Variants in ARHGAP25 observed in about 807,000 individuals in gnomAD.
ARHGAP25 encodes the protein Rho GTPase activating protein 25, also known as rho GTPase-activating protein 25.
A neutral mutation model predicts 71.0 loss-of-function variants in ARHGAP25; 34 were observed. The ratio of observed to expected loss-of-function variants is 0.48; its 90% CI spans 0.36 to 0.64. The LOEUF (loss-of-function observed/expected upper bound fraction) is 0.64, where lower values mean the gene tolerates loss of function less well. ARHGAP25 is among the 30% of genes least tolerant of loss of function. The pLI is 0.00. For synonymous variants in ARHGAP25, 282 were observed against 296.5 expected, an observed-to-expected ratio of 0.95 and a Z score of 0.50; for missense variants, 706 against 805.1, an observed-to-expected ratio of 0.88 and a Z score of 1.49.
chr2:68,766,947 T>G (rs1214714707), intron 1 of ARHGAP25, among the ~76,000 whole-genome samples: 1 of 152,254 alleles, frequency 6.6e-6, no homozygotes, highest in Non-Finnish European at 1.5e-5. Context: ...TCCTTTAGGT[T>G]GACATAGTCA....
chr2:68,769,341 C>T (rs1369135508), intron 1 of ARHGAP25, among the ~76,000 whole-genome samples: 1 of 152,130 alleles, frequency 6.6e-6, no homozygotes. Flanking sequence ...CTGGCTGGGA[C>T]CTGTCCACTT....
At chr2:68,752,330 A>C (rs1458848389) in intron 1 of ARHGAP25, among the ~76,000 whole-genome samples, 4 of 149,710 alleles carry the variant, frequency 2.7e-5, no homozygotes. Flanking sequence ...GATAGAAAAA[A>C]AAGAGAAATA....
At chr2:68,808,881 G>A (rs11891985) in intron 5 of ARHGAP25, among the ~76,000 whole-genome samples, 27,170 of 152,172 alleles carry the variant, frequency 0.18, 2,682 homozygotes, top group East Asian at 0.38. Flanking sequence ...GGGTGGTGGT[G>A]TGGGAATCTT....
chr2:68,762,049 C>T (rs756802870), intron 1 of ARHGAP25, among the ~76,000 whole-genome samples: 1 of 152,106 alleles, frequency 6.6e-6, no homozygotes, highest in Non-Finnish European at 1.5e-5. Context: ...TGTATTCAGC[C>T]TTAAAAAGGA....
chr2:68,786,141 C>T (rs1221307906), intron 3 of ARHGAP25, among the ~76,000 whole-genome samples: 2 of 152,136 alleles, frequency 1.3e-5, no homozygotes, highest in African/African-American at 4.8e-5. Flanking sequence ...AGAGTTAGTC[C>T]ATGGAAGTCC....
chr2:68,748,078 A>T (rs1036504102), intron 1 of ARHGAP25, among the ~76,000 whole-genome samples: 7 of 152,104 alleles, frequency 4.6e-5, no homozygotes, highest in Admixed American at 4.6e-4. Flanking sequence ...CAAACTCATG[A>T]TCTATGCCCG....
chr2:68,803,798 T>C (rs557060940), intron 4 of ARHGAP25, among the ~76,000 whole-genome samples: 20 of 151,692 alleles, frequency 1.3e-4, no homozygotes, highest in African/African-American at 4.6e-4. Flanking sequence ...GGGAGTTCAC[T>C]CGTAACCCTC....
chr2:68,793,223 G>A (rs1679314644), intron 4 of ARHGAP25, among the ~76,000 whole-genome samples: 1 of 152,096 alleles, frequency 6.6e-6, no homozygotes, highest in African/African-American at 2.4e-5. Context: ...CATTTAGTAG[G>A]TTGTCTGTTC....
chr2:68,735,114 CAGAG>C lies in ARHGAP25; in HGVS notation c.-85_-82del. ...GGAGGAACAAAAACAGACACAAAAA[CAGAG>C]GGAAAGAGTGAAAAGACAAGAAGGG... On this transcript the variant is annotated 5_prime_UTR_variant, in exon 1 of 11. It removes the in-frame stop codon of an upstream open reading frame in the 5' UTR. Coordinates refer to ENST00000409202, the MANE Select transcript of ARHGAP25 (RefSeq NM_001007231.3). The C allele has an allele frequency of 1.7e-6, 2 of 1,165,918 alleles. No homozygotes were observed. The highest frequency in any genetic ancestry group is 1.3e-6 in the Non-Finnish European group (1 of 772,304). 72.2% of individuals were successfully genotyped at this position (1,165,918 alleles called of 1,614,324 possible).
At chr2:68,774,959 G>T in intron 1 of ARHGAP25, 2 of 1,418,126 alleles carry the variant, frequency 1.4e-6, no homozygotes, top group Non-Finnish European at 1.8e-6. Flanking sequence ...GGCCCGCCGC[G>T]GTGCCGGACT....
At chr2:68,716,765 G>A (rs752359728) in intron 2 of ARHGAP25, among the ~76,000 whole-genome samples, 7 of 152,156 alleles carry the variant, frequency 4.6e-5, no homozygotes, top group African/African-American at 4.8e-5. Flanking sequence ...TCAGATAGGC[G>A]TCCTTATTCT....
intron 4 of ARHGAP25, among the ~76,000 whole-genome samples, chr2:68,790,976 C>T (rs1679134410): frequency 6.6e-6 from 1 of 152,198 alleles, no homozygotes; most frequent in African/African-American, 2.4e-5. Context: ...CCTCCTCAAA[C>T]ATCCTACCCG....
intron 2 of ARHGAP25, among the ~76,000 whole-genome samples, chr2:68,777,361 G>T (rs1469198770): frequency 6.6e-6 from 1 of 152,114 alleles, no homozygotes; most frequent in African/African-American, 2.4e-5. Context: ...TCCGGACCCC[G>T]CTTTATTCTT....
intron 1 of ARHGAP25, among the ~76,000 whole-genome samples, chr2:68,750,273 A>G (rs1212591145): frequency 6.6e-6 from 1 of 150,534 alleles, no homozygotes; most frequent in Admixed American, 6.6e-5. Context: ...GGCCTCCCCA[A>G]GTGGTGGGAT....
intron 8 of ARHGAP25, 50 bp downstream of exon 8, chr2:68,818,044 A>C (rs1681359161): frequency 6.2e-7 from 1 of 1,606,974 alleles, no homozygotes; most frequent in East Asian, 2.2e-5. Context: ...TAACAATTAC[A>C]ACATTCCCCC....
At chr2:68,721,813 AATT>A (rs1254513247) in intron 2 of ARHGAP25, among the ~76,000 whole-genome samples, 1 of 152,184 alleles carries the variant, frequency 6.6e-6, no homozygotes, top group East Asian at 1.9e-4. Context: ...GAGGATTACA[AATT>A]TGCCTTTCCA....
intron 2 of ARHGAP25, among the ~76,000 whole-genome samples, chr2:68,726,466 C>A (rs370089420): frequency 6.6e-6 from 1 of 152,312 alleles, no homozygotes; most frequent in African/African-American, 2.4e-5. Context: ...CTTTTATAAT[C>A]CCCTGGGAAC....
At chr2:68,734,799 C>G (rs895814074), upstream of ARHGAP25, 1 of 216,572 alleles carries the variant, frequency 4.6e-6, no homozygotes, top group Non-Finnish European at 9.2e-6. Context: ...ACACACAAAA[C>G]CAAGAGGCAG....
At chr2:68,745,065 G>T (rs918081663) in intron 1 of ARHGAP25, among the ~76,000 whole-genome samples, 3 of 152,186 alleles carry the variant, frequency 2.0e-5, no homozygotes, top group Non-Finnish European at 4.4e-5. Flanking sequence ...CTTTGAGAAT[G>T]AGGCCCCTAA....
Sources: allele counts gnomAD v4.1 joint callset (sites outside exome capture counted in the v4.1 genomes callset), GRCh38; gene constraint gnomAD v4.1.1; transcripts MANE v1.5; gene names NCBI Gene and HGNC (gene_info 2026-07-23, HGNC 2026-07-21).